The following LPP variants were observed in gnomAD, a reference collection of about 807,000 sequenced individuals.
LPP encodes the protein lipoma-preferred partner.
LPP carries 38 observed loss-of-function variants against 60.4 expected under a neutral mutation model. The observed-to-expected ratio is 0.63, with a 90% CI of 0.49 to 0.83. The LOEUF is 0.83. LPP is among the 40% of genes least tolerant of loss of function. The probability of loss-of-function intolerance (pLI) is 0.00; values close to 1 mark genes in which losing one functional copy is unlikely to be tolerated. For synonymous variants in LPP, 328 were observed against 290.8 expected (o/e 1.13, Z -1.30); for missense variants, 902 against 783.6 (o/e 1.15, Z -1.80).
At chr3:188,690,844 G>A (rs1861967610) in intron 7 of LPP, among the ~76,000 whole-genome samples, 1 of 152,070 alleles carries the variant, frequency 6.6e-6, no homozygotes, top group Non-Finnish European at 1.5e-5. Context: ...TCTATTTGTA[G>A]AAGGATGCTA....
intron 6 of LPP, among the ~76,000 whole-genome samples, chr3:188,563,478 G>GTGTGTGTT (rs1369486413): frequency 7.1e-6 from 1 of 140,700 alleles, no homozygotes; most frequent in Admixed American, 7.4e-5. Flanking sequence ...GTGTGTGTGT[G>GTGTGTGTT]TGTGTGTGGT....
At chr3:188,612,328 G>A (rs1843892956) in intron 7 of LPP, among the ~76,000 whole-genome samples, 1 of 152,064 alleles carries the variant, frequency 6.6e-6, no homozygotes, top group Admixed American at 6.5e-5. Context: ...TGAAAGGGTG[G>A]GTTCCTTCAC....
chr3:188,702,284 A>G (rs749354582), intron 7 of LPP, among the ~76,000 whole-genome samples: 5 of 149,382 alleles, frequency 3.3e-5, no homozygotes, highest in South Asian at 2.1e-4. Context: ...TTAGATATAC[A>G]TGTTCCTCCT....
chr3:188,392,183 G>A (rs1779870193), intron 3 of LPP, among the ~76,000 whole-genome samples: 1 of 152,180 alleles, frequency 6.6e-6, no homozygotes, highest in Non-Finnish European at 1.5e-5. Context: ...TGTCAGTGTA[G>A]TTAATTATAT....
chr3:188,811,386 G>A (rs866098653), intron 9 of LPP, among the ~76,000 whole-genome samples: 2,030 of 121,552 alleles, frequency 0.017, 22 homozygotes, highest in African/African-American at 0.038. Context: ...ACACACACAC[G>A]CACACACGCT....
intron 4 of LPP, among the ~76,000 whole-genome samples, chr3:188,446,287 G>A (rs1265205818): frequency 6.6e-6 from 1 of 152,184 alleles, no homozygotes; most frequent in African/African-American, 2.4e-5. Flanking sequence ...ACTAGTGAAA[G>A]TAGCAGGTGG....
chr3:188,378,318 A>T (rs1292111903), intron 3 of LPP, among the ~76,000 whole-genome samples: 1 of 152,210 alleles, frequency 6.6e-6, no homozygotes, highest in African/African-American at 2.4e-5. Context: ...GAGCCTACAG[A>T]GGCAGGCAGG....
chr3:188,287,623 G>C (rs766450046), intron 2 of LPP, among the ~76,000 whole-genome samples: 1 of 152,084 alleles, frequency 6.6e-6, no homozygotes, highest in Non-Finnish European at 1.5e-5. Flanking sequence ...TGAGGAGAGA[G>C]GTAGGAAGGT....
At chr3:188,779,848 A>C (rs1411616053) in intron 9 of LPP, among the ~76,000 whole-genome samples, 1 of 152,170 alleles carries the variant, frequency 6.6e-6, no homozygotes, top group Non-Finnish European at 1.5e-5. Context: ...ATTTGAAGAA[A>C]ATTCTCAAGT....
intron 2 of LPP, among the ~76,000 whole-genome samples, chr3:188,250,476 C>A (rs914010056): frequency 1.3e-5 from 2 of 152,194 alleles, no homozygotes; most frequent in African/African-American, 4.8e-5. Context: ...TATAGGTATT[C>A]TTTCCTTTGC....
rs117264534 is a variant in LPP, at chr3:188,165,573, G to A, written c.-190+11321G>A. ...CTTTATTGCTGTACTGAGAAGTTGA[G>A]ACTGCATTCTGAAAGGAGCATTGAG... On this transcript the variant is annotated intron_variant, in intron 1 of 11. Transcript: ENST00000617246. Among the ~76,000 whole-genome samples, 103 of 152,286 alleles carry A rather than the reference G, an allele frequency of 6.8e-4. 1 individual carries two copies. The East Asian group carries it at 0.014, about 21-fold the overall frequency.
At chr3:188,298,603 C>G (rs552154793) in intron 2 of LPP, among the ~76,000 whole-genome samples, 1 of 152,242 alleles carries the variant, frequency 6.6e-6, no homozygotes, top group Non-Finnish European at 1.5e-5. Context: ...TTACGGGTAT[C>G]AATTTACTTA....
At chr3:188,304,670 A>G (rs903445659) in intron 2 of LPP, among the ~76,000 whole-genome samples, 4 of 152,174 alleles carry the variant, frequency 2.6e-5, no homozygotes, top group Admixed American at 1.3e-4. Flanking sequence ...GGCACTTAGC[A>G]TGTGTTCAGC....
chr3:188,650,593 G>A (rs893884305), intron 7 of LPP, among the ~76,000 whole-genome samples: 2 of 152,104 alleles, frequency 1.3e-5, no homozygotes, highest in African/African-American at 4.8e-5. Flanking sequence ...ACCAAGTGCT[G>A]TCAGAAGATG....
At position 188,438,354 on chromosome 3, in the gene LPP, T is replaced by TTCACACACAC. The variant is rs374408127; in HGVS notation, c.193+32041_193+32042insTCACACACAC. Among the ~76,000 whole-genome samples, 453 of 138,088 alleles carry TTCACACACAC rather than the reference T, an allele frequency of 3.3e-3. 15 individuals carry two copies. The highest frequency in any genetic ancestry group is 6.8e-3 in the South Asian group (27 of 3,998). 90.6% of individuals were successfully genotyped at this position (138,088 alleles called of 152,430 possible). On this transcript the variant is annotated intron_variant, in intron 4 of 11. Transcript: ENST00000617246. The stretch of plus-strand genomic sequence containing the variant: ...GTGTTCCAGACACTATTCCATGCAT[T>TTCACACACAC]ACACACACACACACACACACACACA...
chr3:188,706,933 A>C (rs1305164022), intron 7 of LPP, among the ~76,000 whole-genome samples: 1 of 152,142 alleles, frequency 6.6e-6, no homozygotes, highest in East Asian at 1.9e-4. Context: ...TTTTATTAAG[A>C]ATGTTGGGGT....
chr3:188,232,504 A>ATTTTTTTTTTTTT (rs71634069), intron 2 of LPP, among the ~76,000 whole-genome samples: 301 of 103,196 alleles, frequency 2.9e-3, no homozygotes, highest in Non-Finnish European at 3.6e-3. Flanking sequence ...ACACCCGGCT[A>ATTTTTTTTTTTTT]TTTTTTTTTT....
chr3:188,793,726 T>C (rs1409728207), intron 9 of LPP, among the ~76,000 whole-genome samples: 3 of 152,122 alleles, frequency 2.0e-5, no homozygotes, highest in Non-Finnish European at 4.4e-5. Context: ...TTAATATCAG[T>C]GAAAGAATCT....
rs374895916 is a variant in LPP at position 188,405,894 on chromosome 3, TTTC to T, written c.-9-216_-9-214del. ...CCTCCTCTTTCTCTTTCTTTCTTTC[TTTC>T]TCCTTTTCCTCTCCTTCCTCCTTTT... On this transcript the variant is annotated intron_variant, in intron 3 of 11. Transcript: ENST00000617246. Among the ~76,000 whole-genome samples, 122,296 of 151,710 alleles carry T rather than the reference TTTC, an allele frequency of 0.81. 51,358 individuals are homozygous for T. The highest frequency in any genetic ancestry group is 0.92 in the Non-Finnish European group (62,598 of 67,834).
Sources: gnomAD v4.1 joint callset for allele counts (sites outside exome capture counted in the v4.1 genomes callset) on GRCh38, gnomAD v4.1.1 for gene constraint, MANE v1.5 for transcripts, NCBI Gene and HGNC (gene_info 2026-07-23, HGNC 2026-07-21) for gene names.